Variants in SLC7A8 observed in about 807,000 individuals in gnomAD.
The protein encoded by SLC7A8 is solute carrier family 7 member 8, also known as large neutral amino acids transporter small subunit 2.
A neutral mutation model predicts 51.2 loss-of-function variants in SLC7A8; 30 were observed. That is an observed-to-expected ratio of 0.59 (90% CI 0.44 to 0.80). The LOEUF (loss-of-function observed/expected upper bound fraction) is 0.80. Ranked by LOEUF, SLC7A8 falls within the 30% of genes least tolerant of loss-of-function variation. The probability of loss-of-function intolerance (pLI) is 0.00; values close to 1 mark genes in which losing one functional copy is unlikely to be tolerated. For synonymous variants in SLC7A8, 257 were observed against 275.8 expected, an observed-to-expected ratio of 0.93 and a Z score of 0.67; for missense variants, 612 against 674.4, an observed-to-expected ratio of 0.91 and a Z score of 1.03.
At chr14:23,182,079 G>A (rs1594844749) in intron 1 of SLC7A8, among the ~76,000 whole-genome samples, 2 of 152,086 alleles carry the variant, frequency 1.3e-5, no homozygotes, top group Non-Finnish European at 2.9e-5. Context: ...GCTTCACCGG[G>A]TCCTCCGTGG....
chr14:23,166,774 T>G (rs2048952483), intron 1 of SLC7A8, among the ~76,000 whole-genome samples: 1 of 152,254 alleles, frequency 6.6e-6, no homozygotes, highest in Non-Finnish European at 1.5e-5. Context: ...ACATCTCATT[T>G]AATCCTCAGG....
chr14:23,174,852 T>C (rs1178665355), intron 1 of SLC7A8, among the ~76,000 whole-genome samples: 1 of 152,180 alleles, frequency 6.6e-6, no homozygotes, highest in African/African-American at 2.4e-5. Context: ...AGCGGGGAGT[T>C]AAACATTGGA....
chr14:23,182,729 G>T, intron 1 of SLC7A8, 35 bp downstream of exon 1: 1 of 1,522,770 alleles, frequency 6.6e-7, no homozygotes. Context: ...CACCAGAGGG[G>T]AGAGGAGGGG....
chr14:23,136,327 G>A (rs1415320290), intron 7 of SLC7A8, among the ~76,000 whole-genome samples: 4 of 152,152 alleles, frequency 2.6e-5, no homozygotes, highest in African/African-American at 9.7e-5. Flanking sequence ...GGGGCTCATC[G>A]TGCACATAGC....
intron 1 of SLC7A8, 96 bp downstream of exon 1, chr14:23,182,668 G>A: frequency 7.2e-7 from 1 of 1,385,102 alleles, no homozygotes; most frequent in Non-Finnish European, 9.7e-7. Context: ...CTTTTCTAAG[G>A]AATAGGAAGA....
chr14:23,180,097 G>A (rs893839298), intron 1 of SLC7A8, among the ~76,000 whole-genome samples: 3 of 151,994 alleles, frequency 2.0e-5, no homozygotes, highest in Admixed American at 1.3e-4. Flanking sequence ...TAGTAGAGAC[G>A]AGGTTTCACC....
At chr14:23,132,676 C>T (rs1356882288) in intron 7 of SLC7A8, among the ~76,000 whole-genome samples, 3 of 150,182 alleles carry the variant, frequency 2.0e-5, no homozygotes, top group Non-Finnish European at 4.4e-5. Context: ...ACTCTTGTTG[C>T]CCAGGCTGGA....
intron 3 of SLC7A8, among the ~76,000 whole-genome samples, chr14:23,149,625 G>A (rs1185209578): frequency 6.6e-6 from 1 of 152,194 alleles, no homozygotes; most frequent in Non-Finnish European, 1.5e-5. Flanking sequence ...AGAGGGGACA[G>A]AGTGGCCCCA....
chr14:23,181,541 C>T (rs1877184853), intron 1 of SLC7A8, among the ~76,000 whole-genome samples: 1 of 152,112 alleles, frequency 6.6e-6, no homozygotes, highest in Admixed American at 6.5e-5. Flanking sequence ...TATCTGAATA[C>T]TGCACTGATT....
intron 1 of SLC7A8, among the ~76,000 whole-genome samples, chr14:23,168,105 A>G (rs971548595): frequency 3.9e-5 from 6 of 152,230 alleles, no homozygotes; most frequent in Non-Finnish European, 5.9e-5. Context: ...ATAATTCCTC[A>G]TCATCAAATT....
chr14:23,156,155 C>T (rs888035058), intron 3 of SLC7A8, among the ~76,000 whole-genome samples: 2 of 152,072 alleles, frequency 1.3e-5, no homozygotes, highest in South Asian at 2.1e-4. Flanking sequence ...TATGTCACCA[C>T]GCCCGGCTAA....
chr14:23,154,998 CAAAA>C lies in SLC7A8; in HGVS notation c.508+10283_508+10286del, dbSNP rs33973055. ...AACCCACAAAAAGCCACACAACAGA[CAAAA>C]AAAAAAAAAAAAAAAAATCAAAGCA... On this transcript the variant is annotated intron_variant, in intron 3 of 10. Coordinates refer to ENST00000316902, the MANE Select transcript of SLC7A8 (RefSeq NM_012244.4). Among the ~76,000 whole-genome samples the C allele has an allele frequency of 1.1e-3, 96 of 89,442 alleles. 1 individual carries two copies. In the Middle Eastern group the frequency reaches 0.038, roughly 36 times the overall value. The allele number at this position is 89,442 out of a possible 152,430, so 58.7% of individuals were successfully genotyped here.
In SLC7A8 at chr14:23,175,351, G is replaced by C. The variant is rs867048880; in HGVS notation, c.151+7413C>G. On this transcript the variant is annotated intron_variant, in intron 1 of 10. Coordinates refer to ENST00000316902, the MANE Select transcript of SLC7A8 (RefSeq NM_012244.4). ...AGCCTTCGAAGGAGCTGGGACTACA[G>C]GAATCTGCCACCACATCTGGCTAAT... 2.6e-5 allele frequency among the ~76,000 whole-genome samples: 4 copies of C among 152,270 alleles called. No homozygotes were observed. The South Asian group carries it at 8.3e-4, about 32-fold the overall frequency.
At chr14:23,150,736 A>G (rs962532387) in intron 3 of SLC7A8, among the ~76,000 whole-genome samples, 4 of 152,252 alleles carry the variant, frequency 2.6e-5, no homozygotes, top group African/African-American at 4.8e-5. Flanking sequence ...TGACACTCAC[A>G]GGCAAAGCAG....
chr14:23,155,168 C>CGTTTTAGA, intron 3 of SLC7A8: 3 of 1,535,894 alleles, frequency 2.0e-6, no homozygotes, highest in Non-Finnish European at 2.6e-6. Context: ...GCACTTACAA[C>CGTTTTAGA]GTTTTAGAAA....
At chr14:23,145,619 G>A (rs1416570964) in intron 3 of SLC7A8, among the ~76,000 whole-genome samples, 4 of 151,270 alleles carry the variant, frequency 2.6e-5, no homozygotes, top group South Asian at 2.1e-4. Context: ...TATCATTGGC[G>A]CCTGCAAATA....
intron 3 of SLC7A8, among the ~76,000 whole-genome samples, chr14:23,150,204 C>T (rs1029563880): frequency 3.3e-5 from 5 of 152,132 alleles, no homozygotes; most frequent in Admixed American, 1.3e-4. Context: ...GTTGGGGAGT[C>T]GTGGAGCTGG....
intron 1 of SLC7A8, among the ~76,000 whole-genome samples, chr14:23,179,678 G>T (rs1032419541): frequency 6.6e-6 from 1 of 151,984 alleles, no homozygotes; most frequent in Non-Finnish European, 1.5e-5. Flanking sequence ...GTGTCGTGGT[G>T]TATGCCTGTG....
chr14:23,165,176 C>A lies in SLC7A8; in HGVS notation c.508+109G>T. On this transcript the variant is annotated intron_variant, in intron 3 of 10. Transcript: ENST00000316902. This position sits in a 1 kb window ranked among gnomAD's most constrained non-coding sequence, Gnocchi z 4.2. ...AAGGCTGCAGTGAGCTATGATCATG[C>A]GGCTGCGCTCCAGCCTGAGTGACAG... The A allele has an allele frequency of 3.5e-6, 4 of 1,139,884 alleles. No homozygotes were observed. The highest frequency in any genetic ancestry group is 3.7e-5 in the South Asian group (2 of 53,986). 70.6% of individuals were successfully genotyped at this position (1,139,884 alleles called of 1,614,324 possible).
Sources: gnomAD v4.1 joint callset for allele counts (sites outside exome capture counted in the v4.1 genomes callset) on GRCh38, gnomAD v4.1.1 for gene constraint, Gnocchi (gnomAD v3.1) non-coding constraint, MANE v1.5 for transcripts, NCBI Gene and HGNC (gene_info 2026-07-23, HGNC 2026-07-21) for gene names.